ROBO1: variants seen among roughly 807,000 people sequenced by gnomAD.
ROBO1 encodes the protein roundabout guidance receptor 1.
ROBO1 carries 149 observed loss-of-function variants against 195.9 expected under a neutral mutation model. The ratio of observed to expected loss-of-function variants is 0.76; its 90% CI spans 0.67 to 0.87. The LOEUF (loss-of-function observed/expected upper bound fraction) is 0.87, where lower values mean the gene tolerates loss of function less well. ROBO1 is among the 40% of genes least tolerant of loss of function. The probability of loss-of-function intolerance (pLI) is 0.00; values close to 1 mark genes in which losing one functional copy is unlikely to be tolerated. For synonymous variants in ROBO1, 816 were observed against 733.2 expected (o/e 1.11, Z -1.82); for missense variants, 1,933 against 2,068.3 (o/e 0.93, Z 1.27).
chr3:79,640,328 C>CTCTCTCTTGCCTGGCACCAT (rs1553778943), intron 1 of ROBO1, among the ~76,000 whole-genome samples: 2 of 151,012 alleles, frequency 1.3e-5, no homozygotes, highest in African/African-American at 4.9e-5. Context: ...AAATTTTCCT[C>CTCTCTCTTGCCTGGCACCAT]TCTCTCTTGC....
rs368354937 is a variant in ROBO1, at chr3:79,264,213, G to A, written c.89-138674C>T. Among the ~76,000 whole-genome samples, 472 of 152,012 alleles carry A rather than the reference G, an allele frequency of 3.1e-3. 1 individual carries two copies. The highest frequency in any genetic ancestry group is 4.8e-3 in the Non-Finnish European group (323 of 67,956). On this transcript the variant is annotated intron_variant, in intron 2 of 30. Transcript: ENST00000464233. ...GGGTTCTGGCCATCCTACATTAATC[G>A]GAGACAGTTTAACATACCAAATATT... is the stretch of plus-strand genomic sequence containing the variant.
chr3:79,740,918 A>G (rs947814555), intron 1 of ROBO1, among the ~76,000 whole-genome samples: 5 of 152,224 alleles, frequency 3.3e-5, no homozygotes, highest in African/African-American at 1.2e-4. Context: ...TAGATATGAA[A>G]GGACTGGGTG....
chr3:78,952,720 C>T (rs2040853106), intron 3 of ROBO1, among the ~76,000 whole-genome samples: 3 of 151,900 alleles, frequency 2.0e-5, no homozygotes, highest in African/African-American at 7.2e-5. Context: ...AGTACTTTCA[C>T]CCAAAATTAT....
chr3:79,667,985 T>C (rs1196375697), intron 1 of ROBO1, among the ~76,000 whole-genome samples: 2 of 151,830 alleles, frequency 1.3e-5, no homozygotes, highest in Non-Finnish European at 2.9e-5. Context: ...CTTGTAGCTC[T>C]CAATTACAAT....
chr3:79,635,131 A>G (rs925668252), intron 1 of ROBO1, among the ~76,000 whole-genome samples: 1 of 152,220 alleles, frequency 6.6e-6, no homozygotes, highest in Non-Finnish European at 1.5e-5. Flanking sequence ...ACTTAAACAC[A>G]ACAGGCCACA....
At chr3:78,666,959 C>T (rs1010999109) in intron 14 of ROBO1, among the ~76,000 whole-genome samples, 15 of 151,582 alleles carry the variant, frequency 9.9e-5, no homozygotes, top group African/African-American at 3.2e-4. Flanking sequence ...TTTTATAGTT[C>T]GAATCACTCC....
intron 2 of ROBO1, among the ~76,000 whole-genome samples, chr3:79,333,550 A>T (rs2034539540): frequency 6.6e-6 from 1 of 152,094 alleles, no homozygotes. Context: ...TATCCACAAG[A>T]TTCCTCAAGA....
chr3:78,613,572 G>C (rs1352785046), intron 28 of ROBO1, among the ~76,000 whole-genome samples: 2 of 152,174 alleles, frequency 1.3e-5, no homozygotes, highest in African/African-American at 4.8e-5. Context: ...ATTTAATGTA[G>C]TCTAATATCA....
At chr3:79,115,839 T>C (rs532998678) in intron 3 of ROBO1, among the ~76,000 whole-genome samples, 1 of 152,342 alleles carries the variant, frequency 6.6e-6, no homozygotes, top group African/African-American at 2.4e-5. Flanking sequence ...GTGCATTTAC[T>C]AAATGCATTG....
intron 2 of ROBO1, among the ~76,000 whole-genome samples, chr3:79,374,034 A>T (rs2036296035): frequency 6.6e-6 from 1 of 152,168 alleles, no homozygotes; most frequent in Non-Finnish European, 1.5e-5. Context: ...AGATTCTATT[A>T]AAAGCAAATT....
At chr3:79,137,405 C>T (rs200650765) in intron 2 of ROBO1, among the ~76,000 whole-genome samples, 13 of 144,452 alleles carry the variant, frequency 9.0e-5, no homozygotes, top group East Asian at 6.2e-4. Context: ...AGATTTCACA[C>T]AATGATCTCA....
At chr3:78,997,241 G>A (rs1359170472) in intron 3 of ROBO1, among the ~76,000 whole-genome samples, 2 of 151,992 alleles carry the variant, frequency 1.3e-5, no homozygotes, top group Non-Finnish European at 2.9e-5. Context: ...GTTTTTGGGG[G>A]GTGTGGAATA....
At chr3:79,618,091 T>A (rs1160185237) in intron 1 of ROBO1, among the ~76,000 whole-genome samples, 2 of 151,862 alleles carry the variant, frequency 1.3e-5, no homozygotes, top group African/African-American at 2.4e-5. Flanking sequence ...AAAGAATTTT[T>A]AAAAAATGAA....
intron 5 of ROBO1, among the ~76,000 whole-genome samples, chr3:78,728,520 A>C (rs2082216441): frequency 6.6e-6 from 1 of 152,110 alleles, no homozygotes; most frequent in Admixed American, 6.5e-5. Context: ...TAGATTTTAC[A>C]AATTATTCAC....
chr3:79,183,172 T>A, intron 2 of ROBO1, among the ~76,000 whole-genome samples: 1 of 152,284 alleles, frequency 6.6e-6, no homozygotes, highest in East Asian at 1.9e-4. Flanking sequence ...AAGGCACATT[T>A]TATTTTATGA....
At chr3:79,161,909 C>A (rs2080973903) in intron 2 of ROBO1, among the ~76,000 whole-genome samples, 1 of 152,094 alleles carries the variant, frequency 6.6e-6, no homozygotes, top group South Asian at 2.1e-4. Flanking sequence ...ATAATACATA[C>A]CATAATTTCA....
At chr3:78,764,190 C>A (rs1374391618) in intron 4 of ROBO1, among the ~76,000 whole-genome samples, 1 of 152,098 alleles carries the variant, frequency 6.6e-6, no homozygotes. Context: ...AGTCTATATT[C>A]TATCATCTTT....
At chr3:79,309,025 G>T (rs1013597675) in intron 2 of ROBO1, among the ~76,000 whole-genome samples, 2 of 151,712 alleles carry the variant, frequency 1.3e-5, no homozygotes, top group East Asian at 3.9e-4. Flanking sequence ...TAGGGACATT[G>T]TCTCAACTCT....
At chr3:79,750,980 T>C (rs1041054683) in intron 1 of ROBO1, among the ~76,000 whole-genome samples, 4 of 152,154 alleles carry the variant, frequency 2.6e-5, no homozygotes, top group African/African-American at 9.7e-5. Context: ...GTTCTAAAAT[T>C]AACCAGAGAA....
Sources: allele counts gnomAD v4.1 joint callset (sites outside exome capture counted in the v4.1 genomes callset), GRCh38; gene constraint gnomAD v4.1.1; transcripts MANE v1.5; gene names NCBI Gene and HGNC (gene_info 2026-07-23, HGNC 2026-07-21).